Variants in SEC24C observed in about 807,000 individuals in gnomAD.
SEC24C encodes the protein SEC24 homolog C, COPII component.
In SEC24C, 22 loss-of-function variants were observed where a neutral mutation model predicts 117.0. The ratio of observed to expected loss-of-function variants is 0.19; its 90% CI spans 0.13 to 0.27. The LOEUF is 0.27. Among genes scored for constraint, SEC24C ranks in the 10% least tolerant of loss-of-function variants. The pLI is 1.00. For synonymous variants in SEC24C, 506 were observed against 529.4 expected (o/e 0.96, Z 0.61); for missense variants, 1,155 against 1,375.1 (o/e 0.84, Z 2.53).
chr10:73,762,985 C>A (rs928388447), intron 6 of SEC24C, among the ~76,000 whole-genome samples: 1 of 152,218 alleles, frequency 6.6e-6, no homozygotes, highest in Non-Finnish European at 1.5e-5. Context: ...CTGTTTAAAT[C>A]TCTCCTCACC....
intron 3 of SEC24C, among the ~76,000 whole-genome samples, chr10:73,753,277 C>G (rs2082667457): frequency 6.6e-6 from 1 of 152,168 alleles, no homozygotes; most frequent in African/African-American, 2.4e-5. Flanking sequence ...GTCTCGAACT[C>G]CTGACCTCAA....
chr10:73,766,044 G>C lies in SEC24C; in HGVS notation c.1483-42G>C, dbSNP rs377324151. On this transcript the variant is annotated intron_variant, in intron 10 of 22. Coordinates refer to ENST00000345254, the MANE Select transcript of SEC24C (RefSeq NM_198597.3). ...TGACTTCTCTATAGTCAACTGGCCT[G>C]CTTACCATTCCCCCTCTCCCCAACA... 3.1e-6 allele frequency: 5 copies of C among 1,605,372 alleles called. No individual in the cohort carries two copies. The African/African-American group carries it at 6.7e-5, about 22-fold the overall frequency.
rs768565473 is a variant in SEC24C, at chr10:73,770,380, A to G, written c.2963A>G (p.Asn988Ser). Residue 988 changes from asparagine (N) to serine (S), a missense_variant, in exon 21 of 23, where the codon AAC (asparagine) becomes AGC (serine). Asn to Ser is a conservative substitution (Grantham distance 46, BLOSUM62 1). Transcript: ENST00000345254. ...ATATATTTACTGGAGAATGGGCTCA[A>G]CCTCTTCCTCTGGGTGGGAGCAAGC... The part of the protein sequence containing the change: ...GDIYLLENGL[N>S]LFLWVGASVQ... The G allele has an allele frequency of 3.5e-5, 56 of 1,610,600 alleles. No individual in the cohort carries two copies. The highest frequency in any genetic ancestry group is 4.6e-5 in the Non-Finnish European group (54 of 1,178,818).
rs2082877099 is a variant in SEC24C, at chr10:73,766,018, C to G, written c.1483-68C>G. 6 of 1,595,348 alleles carry G rather than the reference C, an allele frequency of 3.8e-6. No individual in the cohort carries two copies. The Admixed American group carries it at 1.0e-4, about 27-fold the overall frequency. On this transcript the variant is annotated intron_variant, in intron 10 of 22. Transcript: ENST00000345254. ...ACCCCTTTTTTGTCCCTTTTTGATG[C>G]TGACTTCTCTATAGTCAACTGGCCT...
rs1338874053 is a variant in SEC24C, at chr10:73,771,951, AC to A, written c.*858del. 1 of 190,444 alleles carries A rather than the reference AC, an allele frequency of 5.3e-6. No homozygotes were observed. Among genetic ancestry groups the A allele is most frequent in the Non-Finnish European group, 1.1e-5 (1 of 93,592 alleles). The allele number at this position is 190,444 out of a possible 1,614,324, so 11.8% of individuals were successfully genotyped here. A position where few individuals can be genotyped will look rare whatever the true frequency, so the allele number is the denominator to read the frequency against. On this transcript the variant is annotated 3_prime_UTR_variant, in exon 23 of 23. Coordinates refer to ENST00000345254, the MANE Select transcript of SEC24C (RefSeq NM_198597.3). ...GAGCGCCGTTCTCTCCTGCTGGGAC[AC>A]CGCTTGGGCTTTGGTATTGACTGAG...
intron 15 of SEC24C, 84 bp from the exon 16 acceptor site, chr10:73,768,726 T>C (rs901971186): frequency 8.0e-7 from 1 of 1,250,534 alleles, no homozygotes; most frequent in African/African-American, 1.5e-5. Flanking sequence ...GGTGGCCTTG[T>C]AGAGTGGAAG....
chr10:73,748,347 C>T (rs1262974346), intron 2 of SEC24C, among the ~76,000 whole-genome samples: 1 of 151,952 alleles, frequency 6.6e-6, no homozygotes, highest in Non-Finnish European at 1.5e-5. Flanking sequence ...GTTGGCCAGG[C>T]TGGTCTCGAA....
At chr10:73,770,179 T>G in intron 20 of SEC24C, 101 bp from the exon 21 acceptor site, 1 of 1,289,136 alleles carries the variant, frequency 7.8e-7, no homozygotes, top group Non-Finnish European at 1.1e-6. Flanking sequence ...CCAGAAGGGG[T>G]GGTGTCTGAG....
Position 73,769,713 on chromosome 10 carries a change from A to G in SEC24C, c.2662A>G (p.Ser888Gly), listed in dbSNP as rs2082944062. The change falls in exon 19 of 23, where the codon AGC (serine) becomes GGC (glycine). Residue 888 changes from serine (S) to glycine (G), a missense_variant. Ser to Gly is a moderately conservative substitution (Grantham distance 56). Coordinates refer to ENST00000345254, the MANE Select transcript of SEC24C (RefSeq NM_198597.3). This position sits in a 1 kb window ranked among gnomAD's most constrained non-coding sequence, Gnocchi z 4.5. ...GGCCTGTTACAGAAAGAACTGTGCT[A>G]GCCCCTCCTCTGCAGGACAGGTGGG... ...ILACYRKNCA[S>G]PSSAGQLILP... 2 of 1,614,080 alleles carry G rather than the reference A, an allele frequency of 1.2e-6. No homozygotes were observed. Among genetic ancestry groups the G allele is most frequent in the South Asian group, 1.1e-5 (1 of 91,094 alleles).
At chr10:73,751,876 A>G (rs1490092064) in intron 3 of SEC24C, 2 of 152,176 alleles carry the variant, frequency 1.3e-5, no homozygotes, top group Admixed American at 6.5e-5. Flanking sequence ...ACCCTAAGGG[A>G]GAAATGGGAA....
chr10:73,767,250 A>G (rs769166865), intron 14 of SEC24C, 80 bp downstream of exon 14: 24 of 878,854 alleles, frequency 2.7e-5, no homozygotes, highest in Non-Finnish European at 4.5e-5. Flanking sequence ...GATGGTGGCT[A>G]GGACCAGACA....
chr10:73,768,560 G>A (rs1195137356), intron 15 of SEC24C, among the ~76,000 whole-genome samples: 2 of 152,160 alleles, frequency 1.3e-5, no homozygotes, highest in East Asian at 3.8e-4. Context: ...TCCTTCATCT[G>A]CAAAATGGTG....
chr10:73,767,048 T>A lies in SEC24C; in HGVS notation c.1894-6T>A. ...AATAAACAAGTAGTCCTCTCTTTTT[T>A]CCTAGGCTGCTGAGTGTGCAGGGAA... On this transcript the variant is annotated splice_region_variant and splice_polypyrimidine_tract_variant and intron_variant, in intron 13 of 22. Coordinates refer to ENST00000345254, the MANE Select transcript of SEC24C (RefSeq NM_198597.3). 5 of 1,607,568 alleles carry A rather than the reference T, an allele frequency of 3.1e-6. No individual in the cohort carries two copies. The highest frequency in any genetic ancestry group is 4.3e-6 in the Non-Finnish European group (5 of 1,175,026).
Position 73,769,413 on chromosome 10 carries a change from T to C in SEC24C, c.2491T>C (p.Cys831Arg), listed in dbSNP as rs1293761869. The C allele has an allele frequency of 1.9e-6, 3 of 1,614,168 alleles. No homozygotes were observed. Among genetic ancestry groups the C allele is most frequent in the Non-Finnish European group, 2.5e-6 (3 of 1,180,030 alleles). The change falls in exon 18 of 23, where the codon TGC becomes CGC. Residue 831 changes from cysteine to arginine, a missense_variant. By Grantham distance (180) the Cys-to-Arg change is radical. This residue lies in a region of SEC24C where 759 missense variants were observed against 992.3 expected (regional missense o/e 0.76). Transcript: ENST00000345254. This position sits in a 1 kb window ranked among gnomAD's most constrained non-coding sequence, Gnocchi z 4.5. The stretch of plus-strand genomic sequence containing the variant: ...CCGCATCCATAATCTGGCCCTGAAC[T>C]GCTGCACCCAGCTGGCTGATCTATA... ...RLRIHNLALN[C>R]CTQLADLYRN...
At chr10:73,770,237 C>G (rs1182351301) in intron 20 of SEC24C, 43 bp from the exon 21 acceptor site, 4 of 1,548,860 alleles carry the variant, frequency 2.6e-6, no homozygotes, top group Non-Finnish European at 3.5e-6. Flanking sequence ...GCAGACTTGT[C>G]TTATGGTCCT....
At chr10:73,764,117 T>C in intron 8 of SEC24C, 134 bp downstream of exon 8, 2 of 1,199,454 alleles carry the variant, frequency 1.7e-6, no homozygotes, top group Non-Finnish European at 2.3e-6. Context: ...CTGTCTTTAG[T>C]GGCTTTCTAT....
At chr10:73,770,820 G>C (rs367620491) in intron 22 of SEC24C, 22 bp downstream of exon 22, 4 of 1,613,514 alleles carry the variant, frequency 2.5e-6, no homozygotes, top group Non-Finnish European at 3.4e-6. Flanking sequence ...CTGAACCCTG[G>C]ATTTCTTACC....
At chr10:73,754,248 C>G (rs1319689828) in intron 3 of SEC24C, among the ~76,000 whole-genome samples, 1 of 152,028 alleles carries the variant, frequency 6.6e-6, no homozygotes, top group Admixed American at 6.6e-5. Context: ...AACCCCATCT[C>G]TACTAAAAAT....
rs978643739 is a variant in SEC24C, at chr10:73,747,193, A to AT, written c.172+198dup. 3.5e-4 allele frequency among the ~76,000 whole-genome samples: 53 copies of AT among 150,850 alleles called. No individual in the cohort carries two copies. In the South Asian group the frequency reaches 4.2e-3, roughly 12 times the overall value. ...CTTCCCTTTTTTTATTATTATTTTA[A>AT]TTTTTTTTTGAGACAGTTTTGCTCT... On this transcript the variant is annotated intron_variant, in intron 2 of 22. Transcript: ENST00000345254.
Sources: allele counts gnomAD v4.1 joint callset (sites outside exome capture counted in the v4.1 genomes callset), GRCh38; gene constraint gnomAD v4.1.1; regional missense constraint gnomAD v4.1.1; non-coding constraint Gnocchi (gnomAD v3.1); transcripts MANE v1.5; gene names NCBI Gene and HGNC (gene_info 2026-07-23, HGNC 2026-07-21).